Variants in KPNA1 observed in about 807,000 individuals in gnomAD.
KPNA1 encodes the protein importin subunit alpha-5.
A neutral mutation model predicts 70.5 loss-of-function variants in KPNA1; 10 were observed. The ratio of observed to expected loss-of-function variants is 0.14; its 90% CI spans 0.09 to 0.24. KPNA1 has a LOEUF of 0.24. Ranked by LOEUF, KPNA1 falls within the 10% of genes least tolerant of loss-of-function variation. The pLI is 1.00. For missense variants in KPNA1, 397 were observed against 637.9 expected (o/e 0.62, Z 4.07); for synonymous variants, 192 against 221.9 (o/e 0.87, Z 1.20).
intron 5 of KPNA1, among the ~76,000 whole-genome samples, chr3:122,457,201 G>A (rs987832135): frequency 1.3e-5 from 2 of 152,100 alleles, no homozygotes; most frequent in Non-Finnish European, 2.9e-5. Flanking sequence ...ATTCCACTGA[G>A]ATTTGCCATC....
chr3:122,494,008 T>G (rs996989864), intron 2 of KPNA1, among the ~76,000 whole-genome samples: 1 of 152,210 alleles, frequency 6.6e-6, no homozygotes, highest in African/African-American at 2.4e-5. Context: ...TTAATGGAGT[T>G]GTTTTTTTCT....
chr3:122,450,632 G>A (rs1474715316), intron 8 of KPNA1, among the ~76,000 whole-genome samples: 4 of 152,020 alleles, frequency 2.6e-5, no homozygotes, highest in African/African-American at 7.2e-5. Flanking sequence ...TGGTGAAAAG[G>A]GAACACTTTT....
chr3:122,452,187 G>A (rs2076209028), intron 6 of KPNA1, 123 bp from the exon 7 acceptor site: 1 of 746,462 alleles, frequency 1.3e-6, no homozygotes. Context: ...GTAGGATTGG[G>A]GGAGGAAGAT....
chr3:122,461,364 A>G (rs757210610), intron 4 of KPNA1, 46 bp from the exon 5 acceptor site: 1 of 1,330,198 alleles, frequency 7.5e-7, no homozygotes, highest in Non-Finnish European at 1.1e-6. Flanking sequence ...TTTGATTTCA[A>G]TGCAAGAACT....
intron 1 of KPNA1, among the ~76,000 whole-genome samples, chr3:122,500,253 C>T (rs140362841): frequency 0.021 from 3,170 of 152,036 alleles, 120 homozygotes; most frequent in African/African-American, 0.072. Flanking sequence ...TCCTGAGTAG[C>T]TGGGATTATA....
At position 122,433,776 on chromosome 3, in the gene KPNA1, C is replaced by A; in HGVS notation, c.1135G>T (p.Ala379Ser). ...CTAATGAGGGCTGGGAAAATGTTGG[C>A]ATCTATCACAGTCTAAAATTAAAGA... ...NRAQIQTVID[A>S]NIFPALISIL... The change falls in exon 12 of 14, where the codon GCC (alanine) becomes TCC (serine). Residue 379 changes from alanine to serine, a missense_variant. By Grantham distance (99) the Ala-to-Ser change is moderately conservative. Coordinates refer to ENST00000344337, the MANE Select transcript of KPNA1 (RefSeq NM_002264.4). 1 of 1,599,536 alleles carries A rather than the reference C, an allele frequency of 6.3e-7. No individual in the cohort carries two copies.
intron 2 of KPNA1, among the ~76,000 whole-genome samples, chr3:122,473,850 A>G (rs2076469550): frequency 6.6e-6 from 1 of 152,214 alleles, no homozygotes; most frequent in South Asian, 2.1e-4. Context: ...TGCAAGTCCT[A>G]ATGAATGCAG....
At chr3:122,479,724 C>T (rs902840130) in intron 2 of KPNA1, among the ~76,000 whole-genome samples, 2 of 152,194 alleles carry the variant, frequency 1.3e-5, no homozygotes, top group African/African-American at 4.8e-5. Context: ...CATGCCACTG[C>T]ACTCTAGCCT....
intron 9 of KPNA1, among the ~76,000 whole-genome samples, chr3:122,445,782 C>A (rs547192406): frequency 6.6e-6 from 1 of 151,986 alleles, no homozygotes; most frequent in Non-Finnish European, 1.5e-5. Context: ...ACCCATCTCA[C>A]GTGCAGAGAC....
intron 2 of KPNA1, among the ~76,000 whole-genome samples, chr3:122,469,895 C>A (rs1353428167): frequency 6.6e-6 from 1 of 152,104 alleles, no homozygotes; most frequent in African/African-American, 2.4e-5. Flanking sequence ...AACCACCAAC[C>A]TAGAAACTCT....
At chr3:122,430,515 A>T (rs538467959) in intron 12 of KPNA1, among the ~76,000 whole-genome samples, 7 of 141,468 alleles carry the variant, frequency 4.9e-5, no homozygotes, top group South Asian at 2.4e-4. Context: ...CTGTACTACC[A>T]GTGTGTGTGT....
At chr3:122,496,798 G>C (rs2076766853) in intron 1 of KPNA1, among the ~76,000 whole-genome samples, 1 of 152,138 alleles carries the variant, frequency 6.6e-6, no homozygotes. Context: ...CAAATTCCTG[G>C]GTTCAAGCAA....
At chr3:122,499,422 C>T (rs1281995857) in intron 1 of KPNA1, among the ~76,000 whole-genome samples, 1 of 151,202 alleles carries the variant, frequency 6.6e-6, no homozygotes, top group Non-Finnish European at 1.5e-5. Context: ...TTTTCTGTGT[C>T]TATTGATATC....
chr3:122,486,206 A>G (rs930100236), intron 2 of KPNA1, among the ~76,000 whole-genome samples: 1 of 152,370 alleles, frequency 6.6e-6, no homozygotes, highest in East Asian at 1.9e-4. Flanking sequence ...TAATCACCAA[A>G]AACTGGAAAT....
intron 2 of KPNA1, among the ~76,000 whole-genome samples, chr3:122,473,701 C>A (rs1463011988): frequency 6.6e-6 from 1 of 152,118 alleles, no homozygotes; most frequent in African/African-American, 2.4e-5. Context: ...AATTCTCATT[C>A]CTCAACTTGA....
chr3:122,507,593 T>C (rs889935222), intron 1 of KPNA1, among the ~76,000 whole-genome samples: 3 of 152,174 alleles, frequency 2.0e-5, no homozygotes, highest in Non-Finnish European at 4.4e-5. Flanking sequence ...ATGTTTACTA[T>C]GATAAAGCTT....
chr3:122,474,269 G>A (rs1212894944), intron 2 of KPNA1, among the ~76,000 whole-genome samples: 8 of 152,174 alleles, frequency 5.3e-5, no homozygotes, highest in African/African-American at 9.7e-5. Context: ...AGATGTCAGT[G>A]CTTCCCAACT....
intron 5 of KPNA1, chr3:122,459,782 G>A: frequency 5.1e-6 from 5 of 985,430 alleles, no homozygotes; most frequent in Non-Finnish European, 6.0e-6. Context: ...ACCTTTTCTG[G>A]ATTTCTTGTT....
intron 5 of KPNA1, chr3:122,459,299 C>T (rs1320808057): frequency 2.9e-6 from 1 of 344,452 alleles, no homozygotes; most frequent in African/African-American, 2.2e-5. Context: ...TATATACCAT[C>T]TATATTTAAT....
Sources: allele counts gnomAD v4.1 joint callset (sites outside exome capture counted in the v4.1 genomes callset), GRCh38; gene constraint gnomAD v4.1.1; transcripts MANE v1.5; gene names NCBI Gene and HGNC (gene_info 2026-07-23, HGNC 2026-07-21).